Variants in SMG6 observed in about 807,000 individuals in gnomAD.
SMG6 encodes the protein SMG6 nonsense mediated mRNA decay factor.
Under a neutral mutation model 142.2 loss-of-function variants are expected in SMG6, and 66 were observed. That is an observed-to-expected ratio of 0.46 (90% CI 0.38 to 0.57). SMG6 has a LOEUF of 0.57. SMG6 is among the 20% of genes least tolerant of loss of function. SMG6 has a pLI of 0.00. For missense variants in SMG6, 1,793 were observed against 1,832.0 expected (o/e 0.98, Z 0.39); for synonymous variants, 779 against 702.4 (o/e 1.11, Z -1.72).
chr17:2,184,089 T>G (rs2071893541), intron 12 of SMG6, among the ~76,000 whole-genome samples: 1 of 152,174 alleles, frequency 6.6e-6, no homozygotes, highest in Non-Finnish European at 1.5e-5. Context: ...TGGTCTGATG[T>G]GGTGGCTCAC....
rs1008954367 is a variant in SMG6, at chr17:2,106,980, C to T, written c.3358-21079G>A. Among the ~76,000 whole-genome samples, 8 of 152,188 alleles carry T rather than the reference C, an allele frequency of 5.3e-5. No individual in the cohort carries two copies. In the South Asian group the frequency reaches 8.3e-4, roughly 16 times the overall value. ...CTGGGATTACAGGCATGTGCCACCA[C>T]GCCTGGCTGAGTTTTGTATTTTTAG... On this transcript the variant is annotated intron_variant, in intron 13 of 18. Coordinates refer to ENST00000263073, the MANE Select transcript of SMG6 (RefSeq NM_017575.5).
At chr17:2,292,042 G>A (rs929765510) in intron 6 of SMG6, among the ~76,000 whole-genome samples, 15 of 152,088 alleles carry the variant, frequency 9.9e-5, no homozygotes, top group African/African-American at 3.6e-4. Context: ...AGAGCACAGT[G>A]ATTAGACCTA....
In SMG6 at chr17:2,300,676, G is replaced by C. The variant is rs546165815; in HGVS notation, c.89-12C>G. ...TTCCTTCATGTTTTCTGTTATGTCG[G>C]GGAAAGAGTTTGGGAGGGAAAGGTA... On this transcript the variant is annotated splice_polypyrimidine_tract_variant and intron_variant, in intron 1 of 18. Transcript: ENST00000263073. The C allele has an allele frequency of 9.6e-6, 15 of 1,555,432 alleles. 1 individual carries two copies. The South Asian group carries it at 1.5e-4, about 15-fold the overall frequency.
intron 10 of SMG6, among the ~76,000 whole-genome samples, chr17:2,224,518 T>C (rs936257162): frequency 2.0e-5 from 3 of 152,064 alleles, no homozygotes; most frequent in African/African-American, 7.2e-5. Context: ...AAAGGTTCAA[T>C]GAACTGAAAG....
chr17:2,185,678 T>A (rs1164024352), intron 12 of SMG6, among the ~76,000 whole-genome samples: 1 of 150,612 alleles, frequency 6.6e-6, no homozygotes, highest in Non-Finnish European at 1.5e-5. Flanking sequence ...GGCAGGCTCA[T>A]GGTGAGAAGA....
At chr17:2,075,588 C>T (rs1011504150) in intron 15 of SMG6, among the ~76,000 whole-genome samples, 69 of 152,304 alleles carry the variant, frequency 4.5e-4, no homozygotes, top group African/African-American at 1.6e-3. Flanking sequence ...ACGCCTCATG[C>T]CTGGAGGAGC....
chr17:2,236,393 TG>T (rs1359375251), intron 10 of SMG6, 98 bp downstream of exon 10: 12 of 1,107,624 alleles, frequency 1.1e-5, no homozygotes, highest in East Asian at 7.9e-5. Flanking sequence ...GGGGGTGGGG[TG>T]GGGGGAGGTA....
chr17:2,077,366 T>C (rs1002908200), intron 15 of SMG6, among the ~76,000 whole-genome samples: 1 of 152,030 alleles, frequency 6.6e-6, no homozygotes, highest in Admixed American at 6.6e-5. Context: ...GGCAGACGGA[T>C]TCCTCCTGGG....
chr17:2,135,446 T>C (rs1242275904), intron 13 of SMG6, among the ~76,000 whole-genome samples: 2 of 152,178 alleles, frequency 1.3e-5, no homozygotes, highest in Non-Finnish European at 2.9e-5. Flanking sequence ...CTGTATCCTT[T>C]GCCCAACGTC....
chr17:2,195,071 C>T (rs951777898), intron 10 of SMG6, among the ~76,000 whole-genome samples: 3 of 152,140 alleles, frequency 2.0e-5, no homozygotes. Context: ...AACTGGTGCT[C>T]CCTGTGGAAG....
intron 8 of SMG6, chr17:2,266,227 A>C: frequency 1.0e-6 from 1 of 975,650 alleles, no homozygotes; most frequent in Non-Finnish European, 1.2e-6. Flanking sequence ...ACTAAAGGTC[A>C]CGTGGGGTGG....
chr17:2,273,877 A>G (rs1274551535), intron 8 of SMG6, among the ~76,000 whole-genome samples: 1 of 152,178 alleles, frequency 6.6e-6, no homozygotes, highest in Non-Finnish European at 1.5e-5. Context: ...GAAGGAATGT[A>G]ATTCTGTATT....
intron 13 of SMG6, among the ~76,000 whole-genome samples, chr17:2,094,061 T>G (rs2068793773): frequency 6.6e-6 from 1 of 152,208 alleles, no homozygotes; most frequent in Non-Finnish European, 1.5e-5. Flanking sequence ...CATGCATTAC[T>G]CCAGTAATCT....
intron 6 of SMG6, 68 bp from the exon 7 acceptor site, chr17:2,283,803 C>T: frequency 8.2e-7 from 1 of 1,214,692 alleles, no homozygotes; most frequent in Non-Finnish European, 1.2e-6. Flanking sequence ...AGGCAGCTGA[C>T]TCAGGAAACC....
intron 10 of SMG6, among the ~76,000 whole-genome samples, chr17:2,188,737 T>G (rs2072069748): frequency 6.6e-6 from 1 of 152,158 alleles, no homozygotes; most frequent in African/African-American, 2.4e-5. Flanking sequence ...CCTCTGTCAA[T>G]TCTACATCAC....
At chr17:2,163,582 T>C (rs1234111873) in intron 13 of SMG6, among the ~76,000 whole-genome samples, 1 of 152,230 alleles carries the variant, frequency 6.6e-6, no homozygotes, top group Non-Finnish European at 1.5e-5. Flanking sequence ...ATTATGAGAA[T>C]AATTCTAATA....
chr17:2,225,339 G>GAAAAAAAA (rs1299267889), intron 10 of SMG6, among the ~76,000 whole-genome samples: 11 of 134,300 alleles, frequency 8.2e-5, no homozygotes, highest in Non-Finnish European at 1.6e-4. Context: ...AAGAAAAAAA[G>GAAAAAAAA]AAAAAAAAAA....
intron 12 of SMG6, among the ~76,000 whole-genome samples, chr17:2,183,918 C>G (rs2071886917): frequency 6.6e-6 from 1 of 152,110 alleles, no homozygotes; most frequent in African/African-American, 2.4e-5. Flanking sequence ...CCCACATACA[C>G]AGAAACCCCC....
At chr17:2,302,629 T>C (rs2224770) in intron 1 of SMG6, among the ~76,000 whole-genome samples, 83,447 of 152,086 alleles carry the variant, frequency 0.55, 23,960 homozygotes, top group East Asian at 0.69. Flanking sequence ...ACAGGAATCA[T>C]ATGCTCCAGC....
Sources: allele counts gnomAD v4.1 joint callset (sites outside exome capture counted in the v4.1 genomes callset), GRCh38; gene constraint gnomAD v4.1.1; transcripts MANE v1.5; gene names NCBI Gene and HGNC (gene_info 2026-07-23, HGNC 2026-07-21).